The following TBCK variants were observed in gnomAD, a reference collection of about 807,000 sequenced individuals.
TBCK encodes the protein TBC domain-containing protein kinase-like protein.
TBCK carries 99 observed loss-of-function variants against 113.4 expected under a neutral mutation model. The ratio of observed to expected loss-of-function variants is 0.87; its 90% CI spans 0.74 to 1.03. The LOEUF is 1.03. Ranked by LOEUF, TBCK falls within the 50% of genes least tolerant of loss-of-function variation. The probability of loss-of-function intolerance (pLI) is 0.00; values close to 1 mark genes in which losing one functional copy is unlikely to be tolerated. For missense variants in TBCK, 1,045 were observed against 1,061.3 expected (o/e 0.98, Z 0.21); for synonymous variants, 369 against 370.8 (o/e 1.00, Z 0.05).
At chr4:106,090,847 G>T (rs1188669098) in intron 25 of TBCK, among the ~76,000 whole-genome samples, 1 of 152,092 alleles carries the variant, frequency 6.6e-6, no homozygotes, top group Non-Finnish European at 1.5e-5. Flanking sequence ...AATCAGCCTG[G>T]ACTTTATTGT....
At chr4:106,273,954 C>T (rs1429702522) in intron 3 of TBCK, among the ~76,000 whole-genome samples, 1 of 152,316 alleles carries the variant, frequency 6.6e-6, no homozygotes, top group East Asian at 1.9e-4. Flanking sequence ...AAATAGCCCC[C>T]ATCCTGAAGC....
intron 24 of TBCK, among the ~76,000 whole-genome samples, chr4:106,098,574 G>C (rs1200757890): frequency 1.3e-5 from 2 of 151,928 alleles, no homozygotes; most frequent in African/African-American, 2.4e-5. Flanking sequence ...AGCGTTAAAA[G>C]ATAAAAAACA....
At chr4:106,228,913 C>T (rs1758533992) in intron 19 of TBCK, among the ~76,000 whole-genome samples, 1 of 151,920 alleles carries the variant, frequency 6.6e-6, no homozygotes, top group Admixed American at 6.6e-5. Flanking sequence ...TTTGTTATTG[C>T]CTATCTTTTG....
At position 106,308,853 on chromosome 4, in the gene TBCK, G is replaced by C. The variant is rs749173215; in HGVS notation, c.108C>G (p.Ile36Met). The change falls in exon 2 of 26, where the codon ATC (isoleucine) becomes ATG (methionine). Residue 36 changes from isoleucine to methionine, a missense_variant. Physicochemically the swap from Ile to Met is conservative, Grantham distance 10. Coordinates refer to ENST00000394708, the MANE Select transcript of TBCK (RefSeq NM_001163435.3). ...SNGLPLTPNS[I>M]KILGRFQILK... ...GGATTTGAAAGCGCCCTAAAATTTT[G>C]ATGGAATTTGGTGTGAGAGGAAGTC... is the stretch of plus-strand genomic sequence containing the variant. 6 of 1,614,050 alleles carry C rather than the reference G, an allele frequency of 3.7e-6. No homozygotes were observed. The highest frequency in any genetic ancestry group is 1.7e-5 in the Admixed American group (1 of 60,000).
chr4:106,080,561 T>C (rs1380766108), intron 25 of TBCK, among the ~76,000 whole-genome samples: 1 of 152,044 alleles, frequency 6.6e-6, no homozygotes, highest in African/African-American at 2.4e-5. Context: ...CCGAAAGCAA[T>C]CAAAACCCTA....
At chr4:106,095,264 AT>A (rs140986690) in intron 25 of TBCK, among the ~76,000 whole-genome samples, 11,650 of 152,216 alleles carry the variant, frequency 0.077, 511 homozygotes, top group Middle Eastern at 0.18. Context: ...GGCTATTTTG[AT>A]TTTTTAAGGT....
intron 2 of TBCK, among the ~76,000 whole-genome samples, chr4:106,302,007 C>G (rs1766999423): frequency 1.3e-5 from 2 of 152,126 alleles, no homozygotes; most frequent in Admixed American, 6.5e-5. Context: ...TTGGAACAAA[C>G]AGACTTTTAC....
At chr4:106,202,632 A>C (rs1755017729) in intron 20 of TBCK, among the ~76,000 whole-genome samples, 1 of 152,094 alleles carries the variant, frequency 6.6e-6, no homozygotes, top group African/African-American at 2.4e-5. Context: ...CAGAAGATGA[A>C]TGCAAAAAGA....
chr4:106,203,388 G>C lies in TBCK; in HGVS notation c.1861-8634C>G, dbSNP rs566718888. Reference sequence around the variant, plus strand: ...ATATTTTAATACAGTTTTTTACTATGCTTTATTCTACTTCTGCAAATTATT... The same window carrying C: ...ATATTTTAATACAGTTTTTTACTATCCTTTATTCTACTTCTGCAAATTATT... On this transcript the variant is annotated intron_variant, in intron 20 of 25. Coordinates refer to ENST00000394708, the MANE Select transcript of TBCK (RefSeq NM_001163435.3). Among the ~76,000 whole-genome samples the C allele has an allele frequency of 6.6e-5, 10 of 151,122 alleles. No homozygotes were observed. The East Asian group carries it at 1.9e-3, about 29-fold the overall frequency.
intron 24 of TBCK, among the ~76,000 whole-genome samples, chr4:106,104,688 T>C (rs1275382573): frequency 6.6e-6 from 1 of 152,248 alleles, no homozygotes; most frequent in African/African-American, 2.4e-5. Flanking sequence ...CTGTTCCTCC[T>C]CACTGGGCAG....
At chr4:106,153,377 T>C (rs953447750) in intron 23 of TBCK, among the ~76,000 whole-genome samples, 5 of 152,104 alleles carry the variant, frequency 3.3e-5, no homozygotes, top group Non-Finnish European at 5.9e-5. Context: ...TCTCTTGTAA[T>C]TGATTTCTAG....
intron 24 of TBCK, among the ~76,000 whole-genome samples, chr4:106,097,992 G>A (rs1011867166): frequency 6.6e-6 from 1 of 152,042 alleles, no homozygotes; most frequent in African/African-American, 2.4e-5. Context: ...AGAATATGTT[G>A]AGATAAGCAC....
chr4:106,092,500 G>A (rs372701172), intron 25 of TBCK, among the ~76,000 whole-genome samples: 2 of 152,232 alleles, frequency 1.3e-5, no homozygotes, highest in African/African-American at 2.4e-5. Flanking sequence ...CGGTGGGTTG[G>A]GGGGAGGCTC....
chr4:106,088,103 G>T (rs1739727718), intron 25 of TBCK, among the ~76,000 whole-genome samples: 1 of 152,190 alleles, frequency 6.6e-6, no homozygotes, highest in Non-Finnish European at 1.5e-5. Context: ...ATTGACAAAT[G>T]GGATCTAATT....
chr4:106,108,883 A>G (rs1426580584), intron 24 of TBCK, among the ~76,000 whole-genome samples: 1 of 149,518 alleles, frequency 6.7e-6, no homozygotes, highest in Non-Finnish European at 1.5e-5. Flanking sequence ...AAGCTCCTTC[A>G]GCTGATAAAC....
At chr4:106,286,490 T>C (rs72876596) in intron 3 of TBCK, among the ~76,000 whole-genome samples, 4,093 of 152,276 alleles carry the variant, frequency 0.027, 177 homozygotes, top group African/African-American at 0.094. Flanking sequence ...GCAATATTGA[T>C]TGTATCCTTA....
In TBCK at chr4:106,295,161, G is replaced by A. The variant is rs1432935477; in HGVS notation, c.199C>T (p.Leu67=). 2.5e-6 allele frequency: 4 copies of A among 1,609,606 alleles called. 1 individual carries two copies. The South Asian group carries it at 4.4e-5, about 18-fold the overall frequency. ...TCACAATGTTCAGCCACGACCACTA[G>A]TCGTTCTGAGAAAAACAAAGCAAAC... ...VDISRGKHER[L]VVVAEHCERS... is the part of the protein sequence containing the mutation. The change falls in exon 3 of 26, where the codon CTA becomes TTA. Residue 67 remains leucine, a synonymous_variant. Coordinates refer to ENST00000394708, the MANE Select transcript of TBCK (RefSeq NM_001163435.3).
At chr4:106,236,130 T>A (rs1759430025) in intron 14 of TBCK, among the ~76,000 whole-genome samples, 2 of 152,042 alleles carry the variant, frequency 1.3e-5, no homozygotes, top group Non-Finnish European at 2.9e-5. Context: ...TCCTGTTGAC[T>A]TTTAAGTCTT....
intron 23 of TBCK, among the ~76,000 whole-genome samples, chr4:106,166,775 G>T (rs1318890497): frequency 6.6e-6 from 1 of 151,464 alleles, no homozygotes; most frequent in Non-Finnish European, 1.5e-5. Context: ...TTAAATATAA[G>T]AAACTGTAAT....
Sources: allele counts gnomAD v4.1 joint callset (sites outside exome capture counted in the v4.1 genomes callset), GRCh38; gene constraint gnomAD v4.1.1; transcripts MANE v1.5; gene names NCBI Gene and HGNC (gene_info 2026-07-23, HGNC 2026-07-21).